DNAH11: variants seen among roughly 807,000 people sequenced by gnomAD.
DNAH11 encodes the protein dynein axonemal heavy chain 11.
Under a neutral mutation model 526.0 loss-of-function variants are expected in DNAH11, and 442 were observed. The observed-to-expected ratio is 0.84, with a 90% confidence interval of 0.78 to 0.91. The LOEUF (loss-of-function observed/expected upper bound fraction) is 0.91. DNAH11 is among the 40% of genes least tolerant of loss of function. The probability of loss-of-function intolerance (pLI) is 0.00; values close to 1 mark genes in which losing one functional copy is unlikely to be tolerated. For missense variants in DNAH11, 6,989 were observed against 5,448.7 expected (o/e 1.28, Z -8.90); for synonymous variants, 2,461 against 1,935.9 (o/e 1.27, Z -7.12).
intron 1 of DNAH11, among the ~76,000 whole-genome samples, chr7:21,544,385 A>G (rs1442493005): frequency 6.6e-6 from 1 of 152,228 alleles, no homozygotes; most frequent in Non-Finnish European, 1.5e-5. Context: ...AGGCTGCCTT[A>G]TGGTATTGTG....
intron 52 of DNAH11, 115 bp downstream of exon 52, chr7:21,748,857 C>T: frequency 9.3e-7 from 1 of 1,080,832 alleles, no homozygotes; most frequent in Non-Finnish European, 1.3e-6. Context: ...CCTCCCCAAC[C>T]ACGGGAGAGC....
chr7:21,631,332 C>T (rs1368227166), intron 25 of DNAH11, among the ~76,000 whole-genome samples: 1 of 152,166 alleles, frequency 6.6e-6, no homozygotes, highest in East Asian at 1.9e-4. Flanking sequence ...CCTCCCAAAT[C>T]ATGTCCTCAC....
chr7:21,748,630 T>C lies in DNAH11; in HGVS notation c.8561T>C (p.Val2854Ala), dbSNP rs1397622591. 1.2e-5 allele frequency: 19 copies of C among 1,612,406 alleles called. No individual in the cohort carries two copies. Among genetic ancestry groups the C allele is most frequent in the Non-Finnish European group, 1.6e-5 (19 of 1,179,066 alleles). The change falls in exon 52 of 82, where the codon GTT (valine) becomes GCT (alanine). Residue 2854 changes from valine (V) to alanine (A), a missense_variant. Coordinates refer to ENST00000409508, the MANE Select transcript of DNAH11 (RefSeq NM_001277115.2). ...LRTPQGCALLVGVGGSGKQSL... is the reference protein window; with the variant it reads ...LRTPQGCALLAGVGGSGKQSL... ...ACCCCTCAGGGCTGTGCTCTCTTGGTTGGAGTTGGGGGCAGTGGCAAGCAG... is the reference window on the plus strand; with the variant it reads ...ACCCCTCAGGGCTGTGCTCTCTTGGCTGGAGTTGGGGGCAGTGGCAAGCAG...
At chr7:21,740,338 T>C (rs1318722393) in intron 48 of DNAH11, among the ~76,000 whole-genome samples, 1 of 152,178 alleles carries the variant, frequency 6.6e-6, no homozygotes, top group Admixed American at 6.6e-5. Context: ...CATAACTCTT[T>C]TCATCTTGTG....
chr7:21,663,518 T>C (rs1231492710), intron 30 of DNAH11, among the ~76,000 whole-genome samples: 1 of 152,138 alleles, frequency 6.6e-6, no homozygotes, highest in Non-Finnish European at 1.5e-5. Context: ...ATAGCCATTC[T>C]GACTGCTATA....
At chr7:21,845,902 G>A (rs1782398709) in intron 66 of DNAH11, among the ~76,000 whole-genome samples, 1 of 152,060 alleles carries the variant, frequency 6.6e-6, no homozygotes, top group African/African-American at 2.4e-5. Flanking sequence ...TTAGATCTTT[G>A]ATTTCTTTCA....
intron 79 of DNAH11, among the ~76,000 whole-genome samples, chr7:21,895,226 T>C (rs1340616395): frequency 6.6e-6 from 1 of 152,260 alleles, no homozygotes; most frequent in East Asian, 1.9e-4. Context: ...ATTCTGTCGC[T>C]CACTCATTGA....
At chr7:21,670,828 T>C (rs1782615093) in intron 30 of DNAH11, among the ~76,000 whole-genome samples, 3 of 152,018 alleles carry the variant, frequency 2.0e-5, no homozygotes. Flanking sequence ...CATTCCTGAA[T>C]AATAAACAAT....
At chr7:21,711,604 G>A in intron 41 of DNAH11, 108 bp from the exon 42 acceptor site, 1 of 1,447,114 alleles carries the variant, frequency 6.9e-7, no homozygotes, top group Non-Finnish European at 9.2e-7. Context: ...TGATTCAGGA[G>A]AGTGAGCACA....
chr7:21,543,740 C>G (rs895182710), intron 1 of DNAH11, 144 bp downstream of exon 1: 12 of 809,454 alleles, frequency 1.5e-5, no homozygotes. Context: ...CTGAGGCCCG[C>G]AGGACTCCTC....
Position 21,787,442 on chromosome 7 carries a change from G to A in DNAH11, c.9783G>A (p.Glu3261=), listed in dbSNP as rs201944089. The A allele has an allele frequency of 4.3e-6, 7 of 1,612,154 alleles. No individual in the cohort carries two copies. The highest frequency in any genetic ancestry group is 3.3e-5 in the South Asian group (3 of 90,660). Residue 3261 remains glutamate (E), a synonymous_variant, in exon 60 of 82, where the codon GAG becomes GAA. Transcript: ENST00000409508. ...AAGCATTAATTAACTATGACAAAGAGCACATTCCAGAGAACTGTCTAAAAG... is the reference window on the plus strand; with the variant it reads ...AAGCATTAATTAACTATGACAAAGAACACATTCCAGAGAACTGTCTAAAAG... ...FLQALINYDK[E]HIPENCLKVV...
intron 44 of DNAH11, among the ~76,000 whole-genome samples, chr7:21,722,720 C>T (rs1383730828): frequency 6.6e-6 from 1 of 152,162 alleles, no homozygotes; most frequent in African/African-American, 2.4e-5. Context: ...TCAGGGACTT[C>T]ATGTGGCTTT....
chr7:21,570,338 G>C (rs1783836495), intron 7 of DNAH11, 39 bp downstream of exon 7: 1 of 1,536,896 alleles, frequency 6.5e-7, no homozygotes, highest in Non-Finnish European at 8.8e-7. Context: ...TGTTGAAGGT[G>C]GGTGCAAAAA....
Position 21,773,929 on chromosome 7 carries a change from A to G in DNAH11, c.9266A>G (p.Gln3089Arg), listed in dbSNP as rs1483530878. The G allele has an allele frequency of 1.9e-6, 3 of 1,596,130 alleles. No individual in the cohort carries two copies. In the South Asian group the frequency reaches 3.4e-5, roughly 18 times the overall value. ...TTTAAGAACCTGTTGAAGAAGAAGCAAAATGAGGTATCCGAGAAAAAAGAA... is the reference window on the plus strand; with the variant it reads ...TTTAAGAACCTGTTGAAGAAGAAGCGAAATGAGGTATCCGAGAAAAAAGAA... ...SLFKNLLKKK[Q>R]NEVSEKKERL... Residue 3089 changes from glutamine to arginine, a missense_variant, in exon 56 of 82, where the codon CAA becomes CGA. Coordinates refer to ENST00000409508, the MANE Select transcript of DNAH11 (RefSeq NM_001277115.2).
chr7:21,740,186 T>C (rs934372874), intron 48 of DNAH11, among the ~76,000 whole-genome samples: 4 of 146,302 alleles, frequency 2.7e-5, no homozygotes, highest in East Asian at 4.1e-4. Flanking sequence ...CTGGTAACAA[T>C]TGATCTTTTG....
chr7:21,884,376 G>A lies in DNAH11; in HGVS notation c.12473G>A (p.Arg4158Gln), dbSNP rs182165265. ...GATGACTGGGATCGCAAACTGTGTC[G>A]GGTGTATTTAGAAGAATTCATGAAT... The part of the protein sequence containing the change: ...ITDDWDRKLC[R>Q]VYLEEFMNPS... Residue 4158 changes from arginine to glutamine, a missense_variant, in exon 76 of 82, where the codon CGG becomes CAG. Coordinates refer to ENST00000409508, the MANE Select transcript of DNAH11 (RefSeq NM_001277115.2). The A allele has an allele frequency of 2.3e-4, 367 of 1,612,886 alleles. No individual in the cohort carries two copies. Among genetic ancestry groups the A allele is most frequent in the African/African-American group, 1.9e-3 (146 of 74,988 alleles).
At chr7:21,578,156 T>G (rs1173861167) in intron 8 of DNAH11, among the ~76,000 whole-genome samples, 4 of 152,114 alleles carry the variant, frequency 2.6e-5, no homozygotes, top group African/African-American at 9.7e-5. Context: ...GAAAACTCAC[T>G]GTCATGAGAA....
chr7:21,600,419 G>T (rs1785033597), intron 15 of DNAH11, among the ~76,000 whole-genome samples: 1 of 152,024 alleles, frequency 6.6e-6, no homozygotes, highest in Non-Finnish European at 1.5e-5. Context: ...GATTAAGCCA[G>T]TGCACTCCAG....
chr7:21,690,196 G>A (rs1329831318), intron 34 of DNAH11, among the ~76,000 whole-genome samples: 1 of 152,112 alleles, frequency 6.6e-6, no homozygotes, highest in Non-Finnish European at 1.5e-5. Context: ...TTGGAACATA[G>A]GATAATTAAC....
Sources: gnomAD v4.1 joint callset for allele counts (sites outside exome capture counted in the v4.1 genomes callset) on GRCh38, gnomAD v4.1.1 for gene constraint, MANE v1.5 for transcripts, NCBI Gene and HGNC (gene_info 2026-07-23, HGNC 2026-07-21) for gene names.